GPC5: variants seen among roughly 807,000 people sequenced by gnomAD.
The protein encoded by GPC5 is glypican-5.
GPC5 carries 47 observed loss-of-function variants against 53.9 expected under a neutral mutation model. That is an observed-to-expected ratio of 0.87 (90% CI 0.69 to 1.11). GPC5 has a LOEUF of 1.11. Among genes scored for constraint, GPC5 ranks in the 50% most tolerant of loss-of-function variants. GPC5 has a pLI of 0.00. For synonymous variants in GPC5, 286 were observed against 263.3 expected, an observed-to-expected ratio of 1.09 and a Z score of -0.84; for missense variants, 748 against 713.1, an observed-to-expected ratio of 1.05 and a Z score of -0.56.
intron 7 of GPC5, among the ~76,000 whole-genome samples, chr13:92,196,648 G>T (rs531482850): frequency 2.0e-5 from 3 of 152,204 alleles, no homozygotes; most frequent in African/African-American, 7.2e-5. Context: ...CAATCCAAAG[G>T]CAACATTTCT....
At chr13:91,977,955 A>AGAAAGAAAGAAAGAAAGAAAGAAAG (rs1555301807) in intron 6 of GPC5, among the ~76,000 whole-genome samples, 66 of 142,974 alleles carry the variant, frequency 4.6e-4, no homozygotes, top group African/African-American at 1.8e-3. Context: ...TCTAAAAGAA[A>AGAAAGAAAGAAAGAAAGAAAGAAAG]AAAGAAAGAA....
At chr13:92,635,495 G>A (rs1400379981) in intron 7 of GPC5, among the ~76,000 whole-genome samples, 3 of 152,240 alleles carry the variant, frequency 2.0e-5, no homozygotes, top group Non-Finnish European at 2.9e-5. Flanking sequence ...CAGAAGGGAA[G>A]GCAGCTAAAC....
intron 6 of GPC5, among the ~76,000 whole-genome samples, chr13:92,021,939 T>C (rs1227154447): frequency 6.6e-6 from 1 of 152,178 alleles, no homozygotes; most frequent in Non-Finnish European, 1.5e-5. Context: ...AATTTTGCTA[T>C]AGTGAGGAAC....
intron 6 of GPC5, among the ~76,000 whole-genome samples, chr13:92,035,769 AAAAAAAAC>A (rs2040888070): frequency 7.2e-6 from 1 of 138,436 alleles, no homozygotes; most frequent in Non-Finnish European, 1.6e-5. Context: ...AAAAAAAAAC[AAAAAAAAC>A]AATGTTCACC....
chr13:91,600,816 G>A (rs575033519), intron 2 of GPC5, among the ~76,000 whole-genome samples: 1 of 152,208 alleles, frequency 6.6e-6, no homozygotes, highest in South Asian at 2.1e-4. Context: ...CAGTATTACA[G>A]AATCGATTTA....
chr13:92,173,104 A>AG (rs149127727), intron 7 of GPC5, among the ~76,000 whole-genome samples: 1,904 of 151,908 alleles, frequency 0.013, 33 homozygotes, highest in African/African-American at 0.044. Context: ...ACCAGTCCAA[A>AG]GGGGAAATCC....
intron 7 of GPC5, among the ~76,000 whole-genome samples, chr13:92,653,401 A>C (rs1886022318): frequency 6.6e-6 from 1 of 152,196 alleles, no homozygotes; most frequent in South Asian, 2.1e-4. Flanking sequence ...TAGGGAGCAT[A>C]CCCAAGAATG....
chr13:91,694,522 T>C (rs1438116536), intron 3 of GPC5, among the ~76,000 whole-genome samples: 1 of 152,190 alleles, frequency 6.6e-6, no homozygotes, highest in Non-Finnish European at 1.5e-5. Flanking sequence ...GAAACGTTTT[T>C]AAAACACAAT....
chr13:92,650,246 T>C (rs895426687), intron 7 of GPC5, among the ~76,000 whole-genome samples: 1 of 152,100 alleles, frequency 6.6e-6, no homozygotes, highest in African/African-American at 2.4e-5. Context: ...TTGAAGTCAA[T>C]GCCATACGCT....
rs1475384699 is a variant in GPC5 at position 91,908,043 on chromosome 13, A to G, written c.1387A>G (p.Lys463Glu). Residue 463 changes from lysine to glutamate, a missense_variant, in exon 6 of 8, where the codon AAG becomes GAG. Transcript: ENST00000377067. The stretch of plus-strand genomic sequence containing the variant: ...GATAAATCAGATTATTGATAAACTG[A>G]AGCATGTTGTTCAGGTAAGTCCTGA... The part of the protein sequence containing the change: ...PVINQIIDKL[K>E]HVVQLLQGRS... 1.3e-6 allele frequency: 2 copies of G among 1,583,962 alleles called. No homozygotes were observed. The highest frequency in any genetic ancestry group is 2.7e-5 in the African/African-American group (2 of 74,284).
intron 7 of GPC5, among the ~76,000 whole-genome samples, chr13:92,194,493 T>C (rs2042244291): frequency 6.6e-6 from 1 of 152,226 alleles, no homozygotes. Context: ...GCTACAGAGA[T>C]GCCATGATTA....
chr13:92,256,158 TATA>T (rs1396982715), intron 7 of GPC5, among the ~76,000 whole-genome samples: 3 of 151,608 alleles, frequency 2.0e-5, no homozygotes, highest in African/African-American at 7.3e-5. Flanking sequence ...ATAATATAGA[TATA>T]ATATATAGAG....
chr13:92,725,378 C>A (rs1159043625), intron 7 of GPC5, among the ~76,000 whole-genome samples: 1 of 151,408 alleles, frequency 6.6e-6, no homozygotes, highest in African/African-American at 2.4e-5. Flanking sequence ...GAGAAACACA[C>A]AATTCACTTT....
chr13:92,254,455 G>T (rs1177665751), intron 7 of GPC5, among the ~76,000 whole-genome samples: 2 of 152,038 alleles, frequency 1.3e-5, no homozygotes, highest in African/African-American at 4.8e-5. Context: ...CCAGAAAAGG[G>T]AACAACTTGT....
chr13:91,792,058 A>T (rs464160), intron 5 of GPC5, among the ~76,000 whole-genome samples: 54,725 of 151,986 alleles, frequency 0.36, 11,163 homozygotes, highest in African/African-American at 0.56. Context: ...AGTAAGAGTT[A>T]TTGCTTGGTT....
chr13:91,838,898 C>T (rs1422230030), intron 5 of GPC5, among the ~76,000 whole-genome samples: 1 of 152,066 alleles, frequency 6.6e-6, no homozygotes, highest in Non-Finnish European at 1.5e-5. Flanking sequence ...AAATGTATCT[C>T]AAGAGCACTC....
chr13:91,969,215 C>T (rs183327318), intron 6 of GPC5, among the ~76,000 whole-genome samples: 2 of 152,244 alleles, frequency 1.3e-5, no homozygotes, highest in Non-Finnish European at 1.5e-5. Flanking sequence ...GATCCTCTTG[C>T]CTAGGCTTTC....
intron 3 of GPC5, among the ~76,000 whole-genome samples, chr13:91,726,322 A>G (rs1417871671): frequency 2.0e-5 from 3 of 152,170 alleles, no homozygotes; most frequent in African/African-American, 4.8e-5. Context: ...TGAAAAGTCT[A>G]TTAACAGTTT....
intron 7 of GPC5, among the ~76,000 whole-genome samples, chr13:92,148,855 TA>T (rs2041887433): frequency 6.6e-6 from 1 of 152,110 alleles, no homozygotes; most frequent in Non-Finnish European, 1.5e-5. Context: ...CTTAGGTCTC[TA>T]AATCTGGATA....
Sources: allele counts gnomAD v4.1 joint callset (sites outside exome capture counted in the v4.1 genomes callset), GRCh38; gene constraint gnomAD v4.1.1; transcripts MANE v1.5; gene names NCBI Gene and HGNC (gene_info 2026-07-23, HGNC 2026-07-21).